Variants in DNAH8 observed in about 807,000 individuals in gnomAD.
DNAH8 encodes axonemal beta dynein heavy chain 8.
In DNAH8, 382 loss-of-function variants were observed where a neutral mutation model predicts 562.1. That is an observed-to-expected ratio of 0.68 (90% CI 0.63 to 0.74). DNAH8 has a LOEUF of 0.74. Ranked by LOEUF, DNAH8 falls within the 30% of genes least tolerant of loss-of-function variation. The pLI, the probability that DNAH8 is intolerant of heterozygous loss-of-function variation, is 0.00. For synonymous variants in DNAH8, 1,881 were observed against 1,919.4 expected (o/e 0.98, Z 0.52); for missense variants, 5,203 against 5,620.4 (o/e 0.93, Z 2.37).
At position 38,869,158 on chromosome 6, in the gene DNAH8, A is replaced by G. The variant is rs76466454; in HGVS notation, c.6828+962A>G. Among the ~76,000 whole-genome samples the G allele has an allele frequency of 1.3e-4, 20 of 152,312 alleles. No individual in the cohort carries two copies. In the East Asian group the frequency reaches 3.7e-3, roughly 28 times the overall value. On this transcript the variant is annotated intron_variant, in intron 48 of 92. Transcript: ENST00000327475. Reference sequence around the variant, plus strand: ...TTCATTAGTGTTACAAAGTCTTTTCAGGTGTATCGTCTTATTTGAGCCTCA... The same window carrying G: ...TTCATTAGTGTTACAAAGTCTTTTCGGGTGTATCGTCTTATTTGAGCCTCA...
chr6:38,761,724 C>A lies in DNAH8; in HGVS notation c.1538C>A (p.Ala513Glu). 6.5e-7 allele frequency: 1 copy of A among 1,540,776 alleles called. No individual in the cohort carries two copies. Among genetic ancestry groups the A allele is most frequent in the Non-Finnish European group, 8.7e-7 (1 of 1,146,660 alleles). Residue 513 changes from alanine (A) to glutamate (E), a missense_variant, in exon 11 of 93, where the codon GCA (alanine) becomes GAA (glutamate). Physicochemically the swap from Ala to Glu is moderately radical, Grantham distance 107. Coordinates refer to ENST00000327475, the MANE Select transcript of DNAH8 (RefSeq NM_001206927.2). ...FIKVTNQMVT[A>E]CKAYITDGGL... ...CAGGTAACAAATCAAATGGTAACAG[C>A]ATGTAAAGCATATATTACTGATGGA...
At chr6:38,951,902 C>A (rs969644259) in intron 82 of DNAH8, among the ~76,000 whole-genome samples, 2 of 152,122 alleles carry the variant, frequency 1.3e-5, no homozygotes, top group African/African-American at 4.8e-5. Context: ...AAACTATAAC[C>A]ATTATTGTAA....
Position 38,870,311 on chromosome 6 carries a change from A to G in DNAH8, c.6829-90A>G, listed in dbSNP as rs1393706555. ...GAGAGTAATAAATGGTTCTCTGGGG[A>G]TGAAGTGATAAGTACTATGCACATC... is the stretch of plus-strand genomic sequence containing the variant. On this transcript the variant is annotated intron_variant, in intron 48 of 92. Transcript: ENST00000327475. The G allele has an allele frequency of 2.7e-6, 3 of 1,116,816 alleles. No individual in the cohort carries two copies. The East Asian group carries it at 7.2e-5, about 27-fold the overall frequency. 69.2% of individuals were successfully genotyped at this position (1,116,816 alleles called of 1,614,324 possible).
At chr6:38,804,542 C>T (rs1353723930) in intron 22 of DNAH8, among the ~76,000 whole-genome samples, 1 of 152,144 alleles carries the variant, frequency 6.6e-6, no homozygotes, top group Admixed American at 6.5e-5. Context: ...TGGCTTCGAG[C>T]AAGGCTAGCC....
intron 52 of DNAH8, among the ~76,000 whole-genome samples, chr6:38,873,863 A>C (rs2150438073): frequency 6.6e-6 from 1 of 152,048 alleles, no homozygotes; most frequent in African/African-American, 2.4e-5. Context: ...CTTCGTGGGA[A>C]AGAACAGAAA....
At chr6:38,810,358 G>A (rs114996418) in intron 24 of DNAH8, among the ~76,000 whole-genome samples, 2,141 of 152,234 alleles carry the variant, frequency 0.014, 53 homozygotes, top group African/African-American at 0.049. Flanking sequence ...ATGGGAGGCC[G>A]AGGCAGGCGA....
intron 79 of DNAH8, among the ~76,000 whole-genome samples, chr6:38,941,974 T>C (rs1783498378): frequency 1.3e-5 from 2 of 152,052 alleles, no homozygotes; most frequent in African/African-American, 4.8e-5. Context: ...AGAGCTCTCG[T>C]GAATGGGGTT....
chr6:38,739,919 G>T (rs1394961984), intron 7 of DNAH8, among the ~76,000 whole-genome samples: 3 of 152,058 alleles, frequency 2.0e-5, no homozygotes, highest in Non-Finnish European at 4.4e-5. Flanking sequence ...CTAATTTTGT[G>T]TTTTTCATGT....
intron 21 of DNAH8, among the ~76,000 whole-genome samples, chr6:38,793,875 C>G (rs1022790346): frequency 2.5e-4 from 38 of 152,190 alleles, no homozygotes. Flanking sequence ...TCTACCAACT[C>G]TTGCCCAGAG....
chr6:38,749,927 G>T (rs1193237962), intron 8 of DNAH8, among the ~76,000 whole-genome samples: 4 of 152,196 alleles, frequency 2.6e-5, no homozygotes, highest in Non-Finnish European at 4.4e-5. Context: ...CCGCCTCCCG[G>T]GTTCATGCCA....
At chr6:39,022,012 A>C (rs1470075444) in intron 91 of DNAH8, among the ~76,000 whole-genome samples, 2 of 152,216 alleles carry the variant, frequency 1.3e-5, no homozygotes, top group Non-Finnish European at 2.9e-5. Context: ...TTGGATTACT[A>C]CTATTATAGG....
rs2150592707 is a variant in DNAH8 at position 38,938,116 on chromosome 6, C to T, written c.11706C>T (p.Ala3902=). 1 of 1,614,064 alleles carries T rather than the reference C, an allele frequency of 6.2e-7. No individual in the cohort carries two copies. The highest frequency in any genetic ancestry group is 8.5e-7 in the Non-Finnish European group (1 of 1,180,008). The part of the protein sequence containing the change: ...NAAQEEFRPA[A]TRGSILYFLI... ...CTCAGGAGGAGTTCCGGCCCGCAGC[C>T]ACCCGCGGAAGCATCCTCTACTTCC... Residue 3902 remains alanine, a synonymous_variant, in exon 78 of 93, where the codon GCC becomes GCT. Coordinates refer to ENST00000327475, the MANE Select transcript of DNAH8 (RefSeq NM_001206927.2).
chr6:38,757,090 C>G (rs1363027248), intron 10 of DNAH8, among the ~76,000 whole-genome samples: 3 of 152,058 alleles, frequency 2.0e-5, no homozygotes, highest in African/African-American at 4.8e-5. Flanking sequence ...CCTGAGGAAT[C>G]GCCACACTGA....
At chr6:39,006,231 G>A (rs1403221221) in intron 88 of DNAH8, among the ~76,000 whole-genome samples, 1 of 152,224 alleles carries the variant, frequency 6.6e-6, no homozygotes, top group African/African-American at 2.4e-5. Context: ...AATATGTCTT[G>A]TTTTAAGCTG....
chr6:39,017,711 G>A (rs1200455061), intron 91 of DNAH8, among the ~76,000 whole-genome samples: 7 of 152,126 alleles, frequency 4.6e-5, no homozygotes, highest in Admixed American at 1.3e-4. Context: ...AACTTCTTCC[G>A]TAATGCAAAT....
chr6:38,909,153 GCTGT>G (rs972573755), intron 64 of DNAH8, among the ~76,000 whole-genome samples: 5 of 152,230 alleles, frequency 3.3e-5, no homozygotes, highest in Non-Finnish European at 5.9e-5. Flanking sequence ...TTTTTGCAAG[GCTGT>G]CTAAGTTGAT....
chr6:38,867,191 T>TTTG (rs1298456405), intron 47 of DNAH8, among the ~76,000 whole-genome samples: 11 of 151,426 alleles, frequency 7.3e-5, no homozygotes, highest in African/African-American at 2.7e-4. Flanking sequence ...GTCCACAGAG[T>TTTG]TTAAGGTTTC....
intron 82 of DNAH8, among the ~76,000 whole-genome samples, chr6:38,966,427 T>C (rs1017618000): frequency 6.6e-6 from 1 of 152,172 alleles, no homozygotes; most frequent in African/African-American, 2.4e-5. Flanking sequence ...ATAGCACTAG[T>C]TTTTCTCAGC....
Position 38,842,682 on chromosome 6 carries a change from G to A in DNAH8, c.4624G>A (p.Gly1542Arg). 1 of 1,612,096 alleles carries A rather than the reference G, an allele frequency of 6.2e-7. No individual in the cohort carries two copies. The highest frequency in any genetic ancestry group is 8.5e-7 in the Non-Finnish European group (1 of 1,179,514). ...FQNRCRKLPK[G>R]LKDWQAFLDL... The stretch of plus-strand genomic sequence containing the variant: ...TGAAAGATGTCGTAAACTTCCAAAA[G>A]GACTTAAAGATTGGCAAGCTTTTTT... Residue 1542 changes from glycine to arginine, a missense_variant, in exon 35 of 93, where the codon GGA becomes AGA. By Grantham distance (125) the Gly-to-Arg change is moderately radical. Coordinates refer to ENST00000327475, the MANE Select transcript of DNAH8 (RefSeq NM_001206927.2).
Sources: gnomAD v4.1 joint callset for allele counts (sites outside exome capture counted in the v4.1 genomes callset) on GRCh38, gnomAD v4.1.1 for gene constraint, MANE v1.5 for transcripts, NCBI Gene and HGNC (gene_info 2026-07-23, HGNC 2026-07-21) for gene names.